The following NEDD4L variants were observed in gnomAD, a reference collection of about 807,000 sequenced individuals.
NEDD4L encodes E3 ubiquitin-protein ligase NEDD4-like.
Under a neutral mutation model 148.9 loss-of-function variants are expected in NEDD4L, and 54 were observed. The ratio of observed to expected loss-of-function variants is 0.36; its 90% CI spans 0.29 to 0.45. NEDD4L has a LOEUF of 0.45. Among genes scored for constraint, NEDD4L ranks in the 20% least tolerant of loss-of-function variants. The pLI is 1.00. For missense variants in NEDD4L, 856 were observed against 1,233.8 expected, an observed-to-expected ratio of 0.69 and a Z score of 4.59; for synonymous variants, 433 against 440.7, an observed-to-expected ratio of 0.98 and a Z score of 0.22.
intron 2 of NEDD4L, among the ~76,000 whole-genome samples, chr18:58,198,526 A>C (rs2041004978): frequency 6.6e-6 from 1 of 152,108 alleles, no homozygotes; most frequent in Admixed American, 6.5e-5. Flanking sequence ...TGGTCCTCTA[A>C]GGTGGAGTGT....
chr18:58,232,975 C>T (rs914017462), intron 2 of NEDD4L, among the ~76,000 whole-genome samples: 11 of 152,140 alleles, frequency 7.2e-5, no homozygotes, highest in East Asian at 5.8e-4. Flanking sequence ...GGCAGATCCA[C>T]GATCCTTTAC....
At chr18:58,222,672 G>A (rs2043898640) in intron 2 of NEDD4L, among the ~76,000 whole-genome samples, 5 of 152,206 alleles carry the variant, frequency 3.3e-5, no homozygotes, top group Admixed American at 3.3e-4. Context: ...TCGTATTAAT[G>A]AGCCGGGTTA....
At chr18:58,119,645 A>G (rs569277) in intron 1 of NEDD4L, among the ~76,000 whole-genome samples, 137,068 of 152,314 alleles carry the variant, frequency 0.9, 61,869 homozygotes, top group African/African-American at 0.97. Flanking sequence ...GCCAGCTGGG[A>G]CTGGACGACT....
chr18:58,156,954 C>G (rs1485629571), intron 1 of NEDD4L, among the ~76,000 whole-genome samples: 1 of 151,342 alleles, frequency 6.6e-6, no homozygotes, highest in Non-Finnish European at 1.5e-5. Flanking sequence ...CAGAGGTGGG[C>G]AGATCTCTTG....
At chr18:58,209,888 C>T (rs528382908) in intron 2 of NEDD4L, among the ~76,000 whole-genome samples, 5 of 152,152 alleles carry the variant, frequency 3.3e-5, no homozygotes, top group East Asian at 1.9e-4. Flanking sequence ...AATGAGAGGC[C>T]GGGCATGATG....
At chr18:58,329,410 G>A (rs2059603969) in intron 10 of NEDD4L, among the ~76,000 whole-genome samples, 1 of 152,052 alleles carries the variant, frequency 6.6e-6, no homozygotes, top group Non-Finnish European at 1.5e-5. Flanking sequence ...AGGCTAGAGT[G>A]CAGTGGTGCA....
At chr18:58,347,304 G>A (rs1275909231) in intron 16 of NEDD4L, among the ~76,000 whole-genome samples, 1 of 145,922 alleles carries the variant, frequency 6.9e-6, no homozygotes, top group Non-Finnish European at 1.5e-5. Flanking sequence ...GGTCAGGCTG[G>A]CCTTGTGTGT....
intron 1 of NEDD4L, among the ~76,000 whole-genome samples, chr18:58,056,891 C>CTT (rs2082107895): frequency 1.5e-5 from 1 of 64,798 alleles, no homozygotes; most frequent in Non-Finnish European, 3.4e-5. Context: ...AGAGCTATGC[C>CTT]CTCTTTTTTT....
chr18:58,390,784 T>C, intron 29 of NEDD4L, 42 bp downstream of exon 29: 1 of 1,437,766 alleles, frequency 7.0e-7, no homozygotes, highest in Non-Finnish European at 9.6e-7. Flanking sequence ...TCCTGGGAAT[T>C]TCCAGCCAGG....
intron 1 of NEDD4L, among the ~76,000 whole-genome samples, chr18:58,105,004 G>A (rs1052019629): frequency 6.6e-6 from 1 of 152,174 alleles, no homozygotes; most frequent in African/African-American, 2.4e-5. Flanking sequence ...GGATATTAGT[G>A]GTGAAGTTGG....
Position 58,370,477 on chromosome 18 carries a change from TG to T in NEDD4L, c.2256+11del. 3 of 1,572,328 alleles carry T rather than the reference TG, an allele frequency of 1.9e-6. No individual in the cohort carries two copies. The highest frequency in any genetic ancestry group is 2.6e-6 in the Non-Finnish European group (3 of 1,141,758). On this transcript the variant is annotated intron_variant, in intron 23 of 30. Transcript: ENST00000400345. ...TGACATGGAATCTGTGGTAAGTAAA[TG>T]CACGTCACACACTGGCCATCACCGG...
intron 1 of NEDD4L, among the ~76,000 whole-genome samples, chr18:58,074,432 GTA>G (rs1192076399): frequency 2.2e-3 from 245 of 110,686 alleles, no homozygotes; most frequent in African/African-American, 9.7e-3. Flanking sequence ...CTAATTTTTT[GTA>G]TTTTTTTTTT....
At chr18:58,309,878 G>A (rs2057484474) in intron 5 of NEDD4L, among the ~76,000 whole-genome samples, 1 of 152,122 alleles carries the variant, frequency 6.6e-6, no homozygotes, top group African/African-American at 2.4e-5. Context: ...GGAGCCACCA[G>A]GACTCCCTCT....
intron 5 of NEDD4L, among the ~76,000 whole-genome samples, chr18:58,303,741 T>C (rs2056760445): frequency 6.6e-6 from 1 of 152,196 alleles, no homozygotes; most frequent in Non-Finnish European, 1.5e-5. Flanking sequence ...TGACCCGTGG[T>C]AGAGATTAGC....
intron 5 of NEDD4L, chr18:58,255,509 C>T (rs932562009): frequency 1.0e-4 from 128 of 1,230,898 alleles, no homozygotes; most frequent in Non-Finnish European, 1.3e-4. Context: ...CTGTCGCTCC[C>T]GGTGCCGCAG....
chr18:58,156,803 A>T (rs2035557797), intron 1 of NEDD4L, among the ~76,000 whole-genome samples: 1 of 152,004 alleles, frequency 6.6e-6, no homozygotes, highest in South Asian at 2.1e-4. Context: ...CAACCTCATA[A>T]CGGAAAATGG....
chr18:58,304,153 G>T (rs1236635368), intron 5 of NEDD4L, among the ~76,000 whole-genome samples: 1 of 152,076 alleles, frequency 6.6e-6, no homozygotes, highest in Non-Finnish European at 1.5e-5. Context: ...CGAAGCATAG[G>T]ACAGCCCTCA....
Position 58,256,103 on chromosome 18 carries a change from C to T in NEDD4L, c.297+4049C>T, listed in dbSNP as rs2048502998. 8 of 1,227,210 alleles carry T rather than the reference C, an allele frequency of 6.5e-6. No individual in the cohort carries two copies. The South Asian group carries it at 2.9e-4, about 44-fold the overall frequency. 76.0% of individuals were successfully genotyped at this position (1,227,210 alleles called of 1,614,324 possible). On this transcript the variant is annotated intron_variant, in intron 5 of 30. Transcript: ENST00000400345. The surrounding 1 kb of genome is among the most constrained non-coding windows in gnomAD (Gnocchi z 5.2). ...GCCGAGGGACACCCCCGGGAGCTCCCCTCCGAGGGCAGCCCGGGACCCAGG... is the reference window on the plus strand; with the variant it reads ...GCCGAGGGACACCCCCGGGAGCTCCTCTCCGAGGGCAGCCCGGGACCCAGG...
At chr18:58,065,824 GA>G in intron 1 of NEDD4L, among the ~76,000 whole-genome samples, 1 of 152,238 alleles carries the variant, frequency 6.6e-6, no homozygotes, top group East Asian at 1.9e-4. Context: ...TATTCCCTGG[GA>G]AAAAACGTGT....
Sources: allele counts gnomAD v4.1 joint callset (sites outside exome capture counted in the v4.1 genomes callset), GRCh38; gene constraint gnomAD v4.1.1; non-coding constraint Gnocchi (gnomAD v3.1); transcripts MANE v1.5; gene names NCBI Gene and HGNC (gene_info 2026-07-23, HGNC 2026-07-21).